Variants in NARS2 observed in about 807,000 individuals in gnomAD.
NARS2 encodes the protein asparaginyl-tRNA synthetase 2, mitochondrial, also known as asparaginyl-tRNA synthetase.
A neutral mutation model predicts 62.9 loss-of-function variants in NARS2; 60 were observed. The observed-to-expected ratio is 0.95, with a 90% CI of 0.77 to 1.18. The LOEUF is 1.18. NARS2 is among the 50% of genes most tolerant of loss of function. The pLI is 0.00. For missense variants in NARS2, 619 were observed against 576.4 expected (o/e 1.07, Z -0.76); for synonymous variants, 196 against 200.0 (o/e 0.98, Z 0.17).
intron 4 of NARS2, among the ~76,000 whole-genome samples, chr11:78,564,746 A>G (rs182148788): frequency 3.3e-5 from 5 of 152,378 alleles, no homozygotes; most frequent in African/African-American, 1.2e-4. Context: ...GCTGCATAGC[A>G]AAGTTTCTGA....
Position 78,559,559 on chromosome 11 carries a change from C to T in NARS2, c.574G>A (p.Gly192Arg). 1 of 1,612,664 alleles carries T rather than the reference C, an allele frequency of 6.2e-7. No individual in the cohort carries two copies. Among genetic ancestry groups the T allele is most frequent in the Non-Finnish European group, 8.5e-7 (1 of 1,179,000 alleles). Reference sequence around the variant, plus strand: ...CTTACTTCAAGTTGAAAAAGTTCTCCAGCTCCCTCAGAGTCATTGGATGTG... The same window carrying T: ...CTTACTTCAAGTTGAAAAAGTTCTCTAGCTCCCTCAGAGTCATTGGATGTG... ...IITSNDSEGA[G>R]ELFQLEPSGK... The change falls in exon 5 of 14, where the codon GGA becomes AGA. Residue 192 changes from glycine (G) to arginine (R), a missense_variant. Physicochemically the swap from Gly to Arg is moderately radical, Grantham distance 125. Transcript: ENST00000281038.
intron 6 of NARS2, among the ~76,000 whole-genome samples, chr11:78,524,687 A>T (rs947180977): frequency 1.4e-5 from 2 of 147,272 alleles, no homozygotes; most frequent in Non-Finnish European, 3.0e-5. Flanking sequence ...TCTCTAGTTT[A>T]AAAAAAAAAA....
intron 6 of NARS2, among the ~76,000 whole-genome samples, chr11:78,522,776 GTAAGTA>G (rs1394303231): frequency 6.6e-5 from 10 of 152,120 alleles, no homozygotes; most frequent in African/African-American, 1.4e-4. Flanking sequence ...TTTTTATAAT[GTAAGTA>G]TAAGTTTCAG....
At chr11:78,510,011 T>C (rs1023795968) in intron 6 of NARS2, among the ~76,000 whole-genome samples, 3 of 151,582 alleles carry the variant, frequency 2.0e-5, no homozygotes, top group African/African-American at 7.3e-5. Context: ...AGAAAGAAAT[T>C]TAAATGTTTC....
intron 1 of NARS2, among the ~76,000 whole-genome samples, chr11:78,571,948 G>A (rs1054620150): frequency 2.0e-5 from 3 of 152,120 alleles, no homozygotes; most frequent in East Asian, 1.9e-4. Flanking sequence ...TTGGGAGGCC[G>A]AGAAGGACGG....
chr11:78,522,640 C>T (rs934443297), intron 6 of NARS2, among the ~76,000 whole-genome samples: 3 of 152,046 alleles, frequency 2.0e-5, no homozygotes, highest in Admixed American at 6.5e-5. Context: ...CAGAAGAATT[C>T]ATTAATTTGA....
intron 13 of NARS2, among the ~76,000 whole-genome samples, chr11:78,437,394 T>C (rs1256786884): frequency 6.6e-6 from 1 of 152,182 alleles, no homozygotes; most frequent in African/African-American, 2.4e-5. Flanking sequence ...CAAAAATATA[T>C]GCTTGAATGC....
chr11:78,491,340 A>T (rs1399040606), intron 7 of NARS2, among the ~76,000 whole-genome samples: 2 of 152,226 alleles, frequency 1.3e-5, no homozygotes, highest in Non-Finnish European at 2.9e-5. Context: ...CAAAATGCTC[A>T]GCGGGAAGTG....
chr11:78,546,221 G>A (rs1486666454), intron 5 of NARS2, among the ~76,000 whole-genome samples: 1 of 152,182 alleles, frequency 6.6e-6, no homozygotes, highest in African/African-American at 2.4e-5. Context: ...CTGAAGTGTA[G>A]CCAGGTATCT....
In NARS2 at chr11:78,559,597, T is replaced by C. The variant is rs1414840964; in HGVS notation, c.536A>G (p.His179Arg). ...FFKDSGFVHI[H>R]TPIITSNDSE... is the part of the protein sequence containing the mutation. ...GTCATTGGATGTGATTATTGGAGTA[T>C]GAATATGTACAAAGCCACTGTCCTG... Residue 179 changes from histidine to arginine, a missense_variant, in exon 5 of 14, where the codon CAT becomes CGT. His to Arg is a conservative substitution (Grantham distance 29). Transcript: ENST00000281038. The C allele has an allele frequency of 5.6e-6, 9 of 1,612,804 alleles. No individual in the cohort carries two copies. The highest frequency in any genetic ancestry group is 2.7e-5 in the African/African-American group (2 of 75,028).
At chr11:78,472,775 T>C (rs1049966898) in intron 9 of NARS2, among the ~76,000 whole-genome samples, 1 of 152,208 alleles carries the variant, frequency 6.6e-6, no homozygotes, top group African/African-American at 2.4e-5. Context: ...ATTAACTCAA[T>C]AGTAGATTCA....
intron 9 of NARS2, among the ~76,000 whole-genome samples, chr11:78,473,425 T>A (rs565463576): frequency 1.8e-4 from 27 of 152,332 alleles, no homozygotes; most frequent in African/African-American, 5.5e-4. Flanking sequence ...TGGTAGGTAT[T>A]TCCCTGTGTA....
At chr11:78,458,170 T>C (rs914863612) in intron 11 of NARS2, among the ~76,000 whole-genome samples, 8 of 152,190 alleles carry the variant, frequency 5.3e-5, no homozygotes, top group African/African-American at 1.7e-4. Flanking sequence ...GTGACGAATA[T>C]GCTAATTACC....
chr11:78,466,839 T>C (rs997020941), intron 10 of NARS2, among the ~76,000 whole-genome samples: 4 of 152,214 alleles, frequency 2.6e-5, no homozygotes, highest in Non-Finnish European at 5.9e-5. Flanking sequence ...TTGATGAATA[T>C]TTATTAACTC....
At chr11:78,460,198 T>C (rs986601985) in intron 11 of NARS2, among the ~76,000 whole-genome samples, 1 of 151,956 alleles carries the variant, frequency 6.6e-6, no homozygotes, top group Non-Finnish European at 1.5e-5. Flanking sequence ...ACATAAAGGA[T>C]TTTGGCTTTT....
chr11:78,566,082 C>A, intron 4 of NARS2, 50 bp downstream of exon 4: 1 of 1,446,924 alleles, frequency 6.9e-7, no homozygotes. Flanking sequence ...TGTTTTTAAA[C>A]AGTTATTAAA....
chr11:78,479,436 G>A lies in NARS2; in HGVS notation c.823-753C>T, dbSNP rs117693794. On this transcript the variant is annotated intron_variant, in intron 7 of 13. Transcript: ENST00000281038. ...AGTTGGGAGGATCACTTGAGCCTGCGAGGTTGAGGCTACAGTGAGCCATGA... is the reference window on the plus strand; with the variant it reads ...AGTTGGGAGGATCACTTGAGCCTGCAAGGTTGAGGCTACAGTGAGCCATGA... 3.1e-3 allele frequency among the ~76,000 whole-genome samples: 467 copies of A among 152,236 alleles called. 2 individuals are homozygous for A. The highest frequency in any genetic ancestry group is 5.0e-3 in the Non-Finnish European group (338 of 68,000).
Position 78,574,815 on chromosome 11 carries a change from G to C in NARS2, c.-327C>G, listed in dbSNP as rs1024429549. On this transcript the variant is annotated 5_prime_UTR_variant, in exon 1 of 14. Transcript: ENST00000281038. ...GAACAGAACCCGGGCCGCAACACGC[G>C]CAACCACTCCTACCACACCACGCCA... The C allele has an allele frequency of 1.0e-5, 3 of 295,846 alleles. No individual in the cohort carries two copies. The highest frequency in any genetic ancestry group is 1.5e-4 in the East Asian group (2 of 13,476). The allele number at this position is 295,846 out of a possible 1,614,324, so 18.3% of individuals were successfully genotyped here.
chr11:78,464,447 C>G (rs1301837964), intron 11 of NARS2, among the ~76,000 whole-genome samples: 1 of 152,120 alleles, frequency 6.6e-6, no homozygotes, highest in Non-Finnish European at 1.5e-5. Flanking sequence ...GCAGAGTGGT[C>G]TGTTTTGACA....
Sources: gnomAD v4.1 joint callset for allele counts (sites outside exome capture counted in the v4.1 genomes callset) on GRCh38, gnomAD v4.1.1 for gene constraint, MANE v1.5 for transcripts, NCBI Gene and HGNC (gene_info 2026-07-23, HGNC 2026-07-21) for gene names.